Variants in PPP6C observed in about 807,000 individuals in gnomAD.
PPP6C encodes serine/threonine-protein phosphatase 6 catalytic subunit.
A neutral mutation model predicts 39.8 loss-of-function variants in PPP6C; 11 were observed. The ratio of observed to expected loss-of-function variants is 0.28; its 90% confidence interval spans 0.17 to 0.46. PPP6C has a LOEUF of 0.46. Among genes scored for constraint, PPP6C ranks in the 20% least tolerant of loss-of-function variants. The probability of loss-of-function intolerance (pLI) is 1.00; values close to 1 mark genes in which losing one functional copy is unlikely to be tolerated. For missense variants in PPP6C, 211 were observed against 373.9 expected (o/e 0.56, Z 3.59); for synonymous variants, 129 against 130.3 (o/e 0.99, Z 0.07).
At chr9:125,186,383 T>C (rs1041115198) in intron 1 of PPP6C, among the ~76,000 whole-genome samples, 2 of 152,024 alleles carry the variant, frequency 1.3e-5, no homozygotes, top group African/African-American at 4.8e-5. Flanking sequence ...AAAAAGTCTC[T>C]ACCTATAAAG....
intron 1 of PPP6C, among the ~76,000 whole-genome samples, chr9:125,187,093 C>G (rs1302841204): frequency 6.7e-6 from 1 of 150,320 alleles, no homozygotes; most frequent in East Asian, 2.0e-4. Flanking sequence ...ATTCCAAGCA[C>G]CTGCCACCAC....
chr9:125,170,325 C>T (rs1829119392), intron 2 of PPP6C, among the ~76,000 whole-genome samples: 1 of 151,910 alleles, frequency 6.6e-6, no homozygotes, highest in African/African-American at 2.4e-5. Flanking sequence ...CAACCTTCAC[C>T]TCCCGGGTTC....
chr9:125,161,922 C>T (rs988622178), intron 2 of PPP6C, among the ~76,000 whole-genome samples: 2 of 152,134 alleles, frequency 1.3e-5, no homozygotes, highest in Non-Finnish European at 2.9e-5. Context: ...CAACTAACAA[C>T]TTCTAACACA....
intron 1 of PPP6C, 124 bp downstream of exon 1, chr9:125,189,520 C>T (rs1249162566): frequency 6.7e-7 from 1 of 1,497,580 alleles, no homozygotes; most frequent in Non-Finnish European, 8.9e-7. Context: ...ACCGGGTCGA[C>T]TGGCAATGGG....
rs1019013854 is a variant in PPP6C at position 125,148,641 on chromosome 9, C to T, written c.*1032G>A. On this transcript the variant is annotated 3_prime_UTR_variant, in exon 7 of 7. Transcript: ENST00000373547. ...TAAAAGTTAAGGTCAAGTGTTACAG[C>T]AAGAGAAGAATGATTCCTATTGAAA... The T allele has an allele frequency of 4.6e-5, 7 of 152,154 alleles. No individual in the cohort carries two copies. The highest frequency in any genetic ancestry group is 1.0e-4 in the Non-Finnish European group (7 of 68,024). The allele number at this position is 152,154 out of a possible 1,614,324, so 9.4% of individuals were successfully genotyped here. A position where few individuals can be genotyped will look rare whatever the true frequency, so the allele number is the denominator to read the frequency against.
At chr9:125,167,379 C>CAAAAAAAAA (rs758123351) in intron 2 of PPP6C, among the ~76,000 whole-genome samples, 22 of 56,094 alleles carry the variant, frequency 3.9e-4, no homozygotes, top group African/African-American at 7.6e-4. Context: ...AGACCCTGTC[C>CAAAAAAAAA]AAAAAAAAAA....
intron 1 of PPP6C, among the ~76,000 whole-genome samples, chr9:125,189,386 C>A (rs1189719785): frequency 5.3e-5 from 8 of 152,264 alleles, no homozygotes; most frequent in Admixed American, 5.2e-4. Context: ...CCTGGGGCAG[C>A]CCGAAGGCCA....
intron 1 of PPP6C, among the ~76,000 whole-genome samples, chr9:125,185,197 G>T (rs1158292828): frequency 6.6e-6 from 1 of 151,474 alleles, no homozygotes; most frequent in Non-Finnish European, 1.5e-5. Flanking sequence ...AATCACATGA[G>T]CTCTTTATAA....
At position 125,147,335 on chromosome 9, in the gene PPP6C, G is replaced by C. The variant is rs1191983014; in HGVS notation, c.*2338C>G. ...CATAAGGGATTTTACATTCAGCCTA[G>C]ATATAGGGAGTAACAAATCCTCCTG... On this transcript the variant is annotated 3_prime_UTR_variant, in exon 7 of 7. Transcript: ENST00000373547. The C allele has an allele frequency of 6.6e-6, 1 of 152,124 alleles. No individual in the cohort carries two copies. The highest frequency in any genetic ancestry group is 1.9e-4 in the East Asian group (1 of 5,200). The allele number at this position is 152,124 out of a possible 1,614,324, so 9.4% of individuals were successfully genotyped here. A position where few individuals can be genotyped will look rare whatever the true frequency, so the allele number is the denominator to read the frequency against.
intron 2 of PPP6C, among the ~76,000 whole-genome samples, chr9:125,167,389 A>AAAAG (rs1829041859): frequency 7.2e-6 from 1 of 138,056 alleles, no homozygotes; most frequent in African/African-American, 2.7e-5. Flanking sequence ...CAAAAAAAAA[A>AAAAG]AAAAAAAAAA....
At chr9:125,154,911 G>A (rs1195449634) in intron 4 of PPP6C, among the ~76,000 whole-genome samples, 2 of 151,976 alleles carry the variant, frequency 1.3e-5, no homozygotes, top group South Asian at 2.1e-4. Context: ...TTTTGTTTTT[G>A]AGACAAGGTC....
At chr9:125,157,047 G>T (rs1226360201) in intron 4 of PPP6C, among the ~76,000 whole-genome samples, 1 of 151,964 alleles carries the variant, frequency 6.6e-6, no homozygotes, top group African/African-American at 2.4e-5. Context: ...TTTTACATAT[G>T]TATACATGTG....
chr9:125,184,325 T>C (rs748205761), intron 1 of PPP6C, among the ~76,000 whole-genome samples: 1 of 151,804 alleles, frequency 6.6e-6, no homozygotes, highest in Non-Finnish European at 1.5e-5. Context: ...GAGGCAGAGG[T>C]TGCAGTGAGC....
At chr9:125,182,991 T>C (rs1271927438) in intron 1 of PPP6C, among the ~76,000 whole-genome samples, 2 of 152,108 alleles carry the variant, frequency 1.3e-5, no homozygotes, top group African/African-American at 4.8e-5. Context: ...GACACCTCTA[T>C]CTCAATGTCT....
intron 2 of PPP6C, among the ~76,000 whole-genome samples, chr9:125,170,136 A>C (rs1829113732): frequency 6.6e-6 from 1 of 152,158 alleles, no homozygotes; most frequent in African/African-American, 2.4e-5. Context: ...TAATCTGTTC[A>C]GCTTTCATTT....
At position 125,189,762 on chromosome 9, in the gene PPP6C, AGCAGCGGCGGCG is replaced by A. The variant is rs768811903; in HGVS notation, c.-56_-45del. The stretch of plus-strand genomic sequence containing the variant: ...CGGCAACAGCGGCGGCGGCGGCTGT[AGCAGCGGCGGCG>A]GCAGCGGCGGAGGCCGAAGCCGGAA... On this transcript the variant is annotated 5_prime_UTR_variant, in exon 1 of 7. Transcript: ENST00000373547. The A allele has an allele frequency of 1.6e-5, 25 of 1,547,368 alleles. No homozygotes were observed. Among genetic ancestry groups the A allele is most frequent in the African/African-American group, 4.3e-5 (3 of 69,940 alleles).
intron 1 of PPP6C, 29 bp from the exon 2 acceptor site, chr9:125,171,209 A>G: frequency 1.4e-6 from 2 of 1,462,598 alleles, no homozygotes; most frequent in Non-Finnish European, 1.9e-6. Flanking sequence ...AAAGGTAAAC[A>G]TTTACTACAA....
chr9:125,183,341 G>A (rs555044627), intron 1 of PPP6C, among the ~76,000 whole-genome samples: 2 of 152,166 alleles, frequency 1.3e-5, no homozygotes, highest in African/African-American at 2.4e-5. Flanking sequence ...CTCCTCAAGC[G>A]TATTCCTCCA....
chr9:125,187,539 C>T (rs1252860050), intron 1 of PPP6C, among the ~76,000 whole-genome samples: 2 of 151,928 alleles, frequency 1.3e-5, no homozygotes, highest in Non-Finnish European at 2.9e-5. Context: ...CCACCTCAGC[C>T]TCCCCAAGTA....
Sources: allele counts gnomAD v4.1 joint callset (sites outside exome capture counted in the v4.1 genomes callset), GRCh38; gene constraint gnomAD v4.1.1; transcripts MANE v1.5; gene names NCBI Gene and HGNC (gene_info 2026-07-23, HGNC 2026-07-21).